The following HECW1 variants were observed in gnomAD, a reference collection of about 807,000 sequenced individuals.
HECW1 encodes the protein E3 ubiquitin-protein ligase HECW1.
Under a neutral mutation model 182.3 loss-of-function variants are expected in HECW1, and 61 were observed. The observed-to-expected ratio is 0.33, with a 90% CI of 0.27 to 0.41. The LOEUF is 0.41. HECW1 is among the 10% of genes least tolerant of loss of function. The pLI, the probability that HECW1 is intolerant of heterozygous loss-of-function variation, is 1.00. For missense variants in HECW1, 1,739 were observed against 2,108.9 expected (o/e 0.82, Z 3.44); for synonymous variants, 859 against 832.6 (o/e 1.03, Z -0.55).
In HECW1 at chr7:43,407,719, C is replaced by G; in HGVS notation, c.789C>G (p.Ile263Met). ...SKIIGNTVNP[I>M]WQAEQFSFVS... ...TCATAGGCAACACCGTGAACCCCAT[C>G]TGGCAGGCCGAGGTGAGTGCTGTGG... The change falls in exon 8 of 30, where the codon ATC becomes ATG. Residue 263 changes from isoleucine to methionine, a missense_variant. Around this residue, in one of 5 missense-constraint regions of HECW1, gnomAD observed 279 missense variants for 353.1 expected, o/e 0.79. Transcript: ENST00000395891. The G allele has an allele frequency of 6.2e-7, 1 of 1,612,186 alleles. No individual in the cohort carries two copies. Among genetic ancestry groups the G allele is most frequent in the Non-Finnish European group, 8.5e-7 (1 of 1,178,732 alleles).
intron 2 of HECW1, among the ~76,000 whole-genome samples, chr7:43,165,021 C>T (rs372744539): frequency 5.3e-5 from 8 of 152,174 alleles, no homozygotes; most frequent in African/African-American, 1.9e-4. Context: ...TTTGTAACTG[C>T]TCCCTTGTTT....
At chr7:43,472,470 C>T (rs1424499490) in intron 16 of HECW1, among the ~76,000 whole-genome samples, 2 of 152,032 alleles carry the variant, frequency 1.3e-5, no homozygotes, top group South Asian at 2.1e-4. Context: ...GGCCAAGAAT[C>T]GTGCCTAGTA....
intron 7 of HECW1, among the ~76,000 whole-genome samples, chr7:43,406,410 G>A (rs972209994): frequency 6.6e-6 from 1 of 152,176 alleles, no homozygotes; most frequent in Non-Finnish European, 1.5e-5. Flanking sequence ...TTATTAAGGG[G>A]ATAACCTTGG....
intron 2 of HECW1, among the ~76,000 whole-genome samples, chr7:43,132,494 G>A (rs1399906540): frequency 1.3e-5 from 2 of 151,962 alleles, no homozygotes; most frequent in African/African-American, 4.8e-5. Flanking sequence ...ATTCATTAGT[G>A]GTCATTCTTC....
intron 2 of HECW1, among the ~76,000 whole-genome samples, chr7:43,184,798 C>A (rs371501613): frequency 6.6e-6 from 1 of 152,078 alleles, no homozygotes; most frequent in African/African-American, 2.4e-5. Flanking sequence ...TCAGGAAACA[C>A]GATGCTGGCA....
chr7:43,288,978 C>G (rs1805021921), intron 3 of HECW1, among the ~76,000 whole-genome samples: 3 of 152,198 alleles, frequency 2.0e-5, no homozygotes, highest in Admixed American at 1.3e-4. Flanking sequence ...TCCACACAGG[C>G]AGGGCCTTTT....
At chr7:43,520,545 T>C (rs370378292) in intron 24 of HECW1, among the ~76,000 whole-genome samples, 16 of 152,248 alleles carry the variant, frequency 1.1e-4, no homozygotes, top group Non-Finnish European at 1.5e-5. Context: ...CTTAAAATAC[T>C]GTGTAGTTCA....
intron 4 of HECW1, among the ~76,000 whole-genome samples, chr7:43,318,299 C>G (rs1278218136): frequency 6.6e-6 from 1 of 152,142 alleles, no homozygotes; most frequent in East Asian, 1.9e-4. Flanking sequence ...ACCCAGGGAG[C>G]TAGGAAAATA....
At chr7:43,354,978 G>A (rs530663128) in intron 5 of HECW1, among the ~76,000 whole-genome samples, 1 of 150,374 alleles carries the variant, frequency 6.7e-6, no homozygotes, top group Non-Finnish European at 1.5e-5. Flanking sequence ...CTTCTTAATG[G>A]AAACCATAGA....
At chr7:43,249,583 AG>A (rs1344269677) in intron 3 of HECW1, 1 of 152,210 alleles carries the variant, frequency 6.6e-6, no homozygotes, top group Non-Finnish European at 1.5e-5. Flanking sequence ...AGACCGGGAG[AG>A]GAATGAGACT....
chr7:43,297,254 C>T (rs1390328036), intron 3 of HECW1, among the ~76,000 whole-genome samples: 1 of 152,196 alleles, frequency 6.6e-6, no homozygotes, highest in East Asian at 1.9e-4. Flanking sequence ...ACAGTCAGAG[C>T]AAGGGCACAT....
At chr7:43,131,827 ATGT>A (rs1786953647) in intron 2 of HECW1, among the ~76,000 whole-genome samples, 2 of 152,248 alleles carry the variant, frequency 1.3e-5, no homozygotes, top group South Asian at 2.1e-4. Context: ...TCTGGGAAAG[ATGT>A]TGTTTTCCTG....
At chr7:43,369,154 GC>G (rs1816999328) in intron 6 of HECW1, among the ~76,000 whole-genome samples, 1 of 152,090 alleles carries the variant, frequency 6.6e-6, no homozygotes, top group African/African-American at 2.4e-5. Context: ...GTCACTCTTT[GC>G]TGACATAAAG....
At chr7:43,503,981 A>G (rs1171085120) in intron 21 of HECW1, among the ~76,000 whole-genome samples, 1 of 152,086 alleles carries the variant, frequency 6.6e-6, no homozygotes, top group Non-Finnish European at 1.5e-5. Flanking sequence ...TGGTTCCCTC[A>G]GGCCCAGGTG....
intron 2 of HECW1, among the ~76,000 whole-genome samples, chr7:43,128,063 A>G (rs1786477822): frequency 6.6e-6 from 1 of 152,132 alleles, no homozygotes; most frequent in African/African-American, 2.4e-5. Flanking sequence ...ATTTTTATGT[A>G]GAGATGAGGT....
intron 2 of HECW1, among the ~76,000 whole-genome samples, chr7:43,161,965 A>G (rs949238049): frequency 8.5e-5 from 13 of 152,178 alleles, no homozygotes; most frequent in African/African-American, 2.9e-4. Flanking sequence ...CCACTATTGA[A>G]CATGCAGATG....
chr7:43,463,181 C>G (rs2077646025), intron 13 of HECW1, among the ~76,000 whole-genome samples: 1 of 152,212 alleles, frequency 6.6e-6, no homozygotes, highest in African/African-American at 2.4e-5. Flanking sequence ...ATTTATTTGC[C>G]AGCATGCTAT....
intron 3 of HECW1, among the ~76,000 whole-genome samples, chr7:43,299,255 T>C (rs907089007): frequency 6.6e-6 from 1 of 152,188 alleles, no homozygotes; most frequent in South Asian, 2.1e-4. Flanking sequence ...TATACTACAC[T>C]GTTGAGCAAA....
chr7:43,270,880 GT>G (rs1410820247), intron 3 of HECW1, among the ~76,000 whole-genome samples: 1 of 152,098 alleles, frequency 6.6e-6, no homozygotes, highest in African/African-American at 2.4e-5. Context: ...TAGTTATAAA[GT>G]ACCTAGAGAT....
Sources: allele counts gnomAD v4.1 joint callset (sites outside exome capture counted in the v4.1 genomes callset), GRCh38; gene constraint gnomAD v4.1.1; regional missense constraint gnomAD v4.1.1; transcripts MANE v1.5; gene names NCBI Gene and HGNC (gene_info 2026-07-23, HGNC 2026-07-21).